The following YLPM1 variants were observed in gnomAD, a reference collection of about 807,000 sequenced individuals.
The protein encoded by YLPM1 is YLP motif-containing protein 1.
Under a neutral mutation model 230.0 loss-of-function variants are expected in YLPM1, and 99 were observed. That is an observed-to-expected ratio of 0.43 (90% CI 0.37 to 0.51). YLPM1 has a LOEUF of 0.51. Ranked by LOEUF, YLPM1 falls within the 20% of genes least tolerant of loss-of-function variation. YLPM1 has a pLI of 0.00. For synonymous variants in YLPM1, 984 were observed against 942.5 expected (o/e 1.04, Z -0.81); for missense variants, 2,592 against 2,707.7 (o/e 0.96, Z 0.95).
intron 6 of YLPM1, among the ~76,000 whole-genome samples, chr14:74,804,720 GT>G (rs1456286072): frequency 2.0e-5 from 3 of 152,066 alleles, no homozygotes; most frequent in African/African-American, 4.8e-5. Context: ...TTGAGTGTCT[GT>G]TTTCTTGTCT....
chr14:74,821,324 T>A (rs1446082539), intron 17 of YLPM1, 187 bp downstream of exon 17: 4 of 825,412 alleles, frequency 4.8e-6, no homozygotes, highest in Non-Finnish European at 5.1e-6. Flanking sequence ...AACCCTCTAA[T>A]GTGGTGTTAA....
intron 2 of YLPM1, among the ~76,000 whole-genome samples, chr14:74,779,111 G>C (rs2091069471): frequency 6.6e-6 from 1 of 152,144 alleles, no homozygotes; most frequent in South Asian, 2.1e-4. Flanking sequence ...CAAAGTGCTT[G>C]GATTACAGGC....
intron 4 of YLPM1, among the ~76,000 whole-genome samples, chr14:74,797,032 C>G (rs565595303): frequency 2.2e-4 from 29 of 130,124 alleles, no homozygotes; most frequent in Non-Finnish European, 3.8e-4. Flanking sequence ...AGTGCAATAG[C>G]GTGATCTCAG....
At chr14:74,786,303 A>C (rs901271628) in intron 4 of YLPM1, among the ~76,000 whole-genome samples, 1 of 147,244 alleles carries the variant, frequency 6.8e-6, no homozygotes, top group African/African-American at 2.5e-5. Flanking sequence ...CGGAGGTTGC[A>C]GTGAGCCAAG....
intron 1 of YLPM1, among the ~76,000 whole-genome samples, chr14:74,766,760 A>T (rs113868141): frequency 0.15 from 22,063 of 150,920 alleles, 1,755 homozygotes; most frequent in South Asian, 0.3. Flanking sequence ...TATGGGCATG[A>T]ACCACCACAC....
Position 74,781,888 on chromosome 14 carries a change from T to TC in YLPM1, c.1847dup (p.Pro617ThrfsTer51). Reference sequence around the variant, plus strand: ...CACCATCTCTCTCTTCAACAGCACCTCCACCTGTCATGCCCCTCCCACCAT... The same window carrying TC: ...CACCATCTCTCTCTTCAACAGCACCTCCCACCTGTCATGCCCCTCCCACCAT... On this transcript the variant is annotated frameshift_variant, in exon 4 of 21. Coordinates refer to ENST00000325680, the MANE Select transcript of YLPM1 (RefSeq NM_019589.3). LOFTEE classifies it high-confidence loss of function. The TC allele has an allele frequency of 6.2e-7, 1 of 1,612,340 alleles. No homozygotes were observed. The highest frequency in any genetic ancestry group is 8.5e-7 in the Non-Finnish European group (1 of 1,179,540).
In YLPM1 at chr14:74,778,353, A is replaced by G. The variant is rs1041481479; in HGVS notation, c.874-94A>G. 1.5e-5 allele frequency: 17 copies of G among 1,100,554 alleles called. No homozygotes were observed. The African/African-American group carries it at 2.2e-4, about 14-fold the overall frequency. The allele number at this position is 1,100,554 out of a possible 1,614,324, so 68.2% of individuals were successfully genotyped here. On this transcript the variant is annotated intron_variant, in intron 1 of 20. Coordinates refer to ENST00000325680, the MANE Select transcript of YLPM1 (RefSeq NM_019589.3). ...TTTGCCTTTTTTTACATATAGACAC[A>G]TGAACACAGACATAAAGATAGGTCC...
Position 74,809,624 on chromosome 14 carries a change from A to G in YLPM1, c.4766A>G (p.Gln1589Arg), listed in dbSNP as rs2091414563. 6.2e-7 allele frequency: 1 copy of G among 1,614,038 alleles called. No homozygotes were observed. The highest frequency in any genetic ancestry group is 8.5e-7 in the Non-Finnish European group (1 of 1,179,898). Residue 1589 changes from glutamine to arginine, a missense_variant, in exon 7 of 21, where the codon CAA (glutamine) becomes CGA (arginine). Coordinates refer to ENST00000325680, the MANE Select transcript of YLPM1 (RefSeq NM_019589.3). Reference protein sequence around the residue: ...FYGLWDTNDEQGLNSEFKSET... With the variant: ...FYGLWDTNDERGLNSEFKSET... ...GGGCTCTGGGATACAAATGATGAAC[A>G]AGGACTGAATTCAGAATTTAAGTCA...
rs1234459217 is a variant in YLPM1, at chr14:74,798,105, C to T, written c.2808C>T (p.Asp936=). ...TTCAAAGTATGGAGACTCAAATCGA[C>T]AAAGCCCAAGCTGTTACTCAGCCTG... The part of the protein sequence containing the change: ...QNVQSMETQI[D]KAQAVTQPVP... The change falls in exon 5 of 21, where the codon GAC becomes GAT. Residue 936 remains aspartate, a synonymous_variant. Transcript: ENST00000325680. 1 of 1,613,976 alleles carries T rather than the reference C, an allele frequency of 6.2e-7. No individual in the cohort carries two copies. The highest frequency in any genetic ancestry group is 1.1e-5 in the South Asian group (1 of 91,078).
Position 74,763,334 on chromosome 14 carries a change from A to C in YLPM1, c.-156A>C. ...TCCCCGCCTTCCCGGTCGCGGGCCC[A>C]GCTCGGGAGCGCCGGCGCACTGGCG... On this transcript the variant is annotated 5_prime_UTR_variant, in exon 1 of 21. Coordinates refer to ENST00000325680, the MANE Select transcript of YLPM1 (RefSeq NM_019589.3). 1 of 882,196 alleles carries C rather than the reference A, an allele frequency of 1.1e-6. No individual in the cohort carries two copies. Among genetic ancestry groups the C allele is most frequent in the Non-Finnish European group, 1.5e-6 (1 of 649,144 alleles). The allele number at this position is 882,196 out of a possible 1,614,324, so 54.6% of individuals were successfully genotyped here. A position where few individuals can be genotyped will look rare whatever the true frequency, so the allele number is the denominator to read the frequency against.
chr14:74,831,058 C>A (rs2091605576), intron 19 of YLPM1, among the ~76,000 whole-genome samples: 1 of 152,126 alleles, frequency 6.6e-6, no homozygotes, highest in Non-Finnish European at 1.5e-5. Flanking sequence ...GCCTGTTTTT[C>A]TACAGCAGTG....
Position 74,799,601 on chromosome 14 carries a change from G to T in YLPM1, c.4304G>T (p.Ser1435Ile), listed in dbSNP as rs1274045841. Reference sequence around the variant, plus strand: ...TCAGAAATGATGGGGTCCGATGCAAGCTTAGACTCTGACCAAGGCCTTGGA... The same window carrying T: ...TCAGAAATGATGGGGTCCGATGCAATCTTAGACTCTGACCAAGGCCTTGGA... ...HSSEMMGSDASLDSDQGLGGV... is the reference protein window; with the variant it reads ...HSSEMMGSDAILDSDQGLGGV... The change falls in exon 5 of 21, where the codon AGC becomes ATC. Residue 1435 changes from serine (S) to isoleucine (I), a missense_variant. This residue lies in a region of YLPM1 where 1,862 missense variants were observed against 1,819.8 expected (regional missense o/e 1.02). Coordinates refer to ENST00000325680, the MANE Select transcript of YLPM1 (RefSeq NM_019589.3). 6.2e-7 allele frequency: 1 copy of T among 1,613,984 alleles called. No homozygotes were observed. Among genetic ancestry groups the T allele is most frequent in the African/African-American group, 1.3e-5 (1 of 75,038 alleles).
Position 74,798,957 on chromosome 14 carries a change from C to T in YLPM1, c.3660C>T (p.Asp1220=), listed in dbSNP as rs776683792. 5 of 1,613,656 alleles carry T rather than the reference C, an allele frequency of 3.1e-6. No individual in the cohort carries two copies. The East Asian group carries it at 1.1e-4, about 36-fold the overall frequency. The change falls in exon 5 of 21, where the codon GAC becomes GAT. Residue 1220 remains aspartate (D), a synonymous_variant. Coordinates refer to ENST00000325680, the MANE Select transcript of YLPM1 (RefSeq NM_019589.3). ...CAATGGAACGAGAAAGACTCGATGA[C>T]TGGGATAGAGAGAGATACTGGAGAG... The part of the protein sequence containing the change: ...NAPMERERLD[D]WDRERYWREC...
Position 74,773,711 on chromosome 14 carries a change from CTTTTTTTTT to C in YLPM1, c.874-4717_874-4709del, listed in dbSNP as rs766885242. Among the ~76,000 whole-genome samples, 32 of 60,564 alleles carry C rather than the reference CTTTTTTTTT, an allele frequency of 5.3e-4. No homozygotes were observed. In the East Asian group the frequency reaches 5.3e-3, roughly 10 times the overall value. 39.7% of individuals were successfully genotyped at this position (60,564 alleles called of 152,430 possible). On this transcript the variant is annotated intron_variant, in intron 1 of 20. Coordinates refer to ENST00000325680, the MANE Select transcript of YLPM1 (RefSeq NM_019589.3). ...TCATGGTCAGTGTGCTGTTTTCTTT[CTTTTTTTTT>C]TTTTTTTTTTTTTTTTTTGAGACAG...
chr14:74,766,883 CTT>C (rs1158275487), intron 1 of YLPM1, among the ~76,000 whole-genome samples: 15 of 131,162 alleles, frequency 1.1e-4, no homozygotes, highest in Admixed American at 2.3e-4. Context: ...AAGACCTTTT[CTT>C]TTTTTTTTTT....
chr14:74,778,781 T>G, intron 2 of YLPM1, 98 bp downstream of exon 2: 1 of 1,056,898 alleles, frequency 9.5e-7, no homozygotes, highest in Non-Finnish European at 1.3e-6. Context: ...TATTTTTGTT[T>G]TTTTAGGTAC....
rs879128063 is a variant in YLPM1 at position 74,778,571 on chromosome 14, A to T, written c.998A>T (p.Glu333Val). Reference protein sequence around the residue: ...AKDTPEPVKEEVTVPATSQVP... With the variant: ...AKDTPEPVKEVVTVPATSQVP... ...GATACACCAGAGCCGGTAAAAGAAGAAGTTACAGTACCTGCCACCAGTCAA... is the reference window on the plus strand; with the variant it reads ...GATACACCAGAGCCGGTAAAAGAAGTAGTTACAGTACCTGCCACCAGTCAA... Residue 333 changes from glutamate to valine, a missense_variant, in exon 2 of 21, where the codon GAA becomes GTA. Transcript: ENST00000325680. The T allele has an allele frequency of 2.5e-6, 4 of 1,604,980 alleles. No homozygotes were observed. Among genetic ancestry groups the T allele is most frequent in the South Asian group, 1.1e-5 (1 of 88,930 alleles).
Position 74,798,340 on chromosome 14 carries a change from G to A in YLPM1, c.3043G>A (p.Gly1015Ser), listed in dbSNP as rs760624116. 5 of 1,613,958 alleles carry A rather than the reference G, an allele frequency of 3.1e-6. No individual in the cohort carries two copies. The highest frequency in any genetic ancestry group is 4.2e-6 in the Non-Finnish European group (5 of 1,179,894). ...AGATAATAGATTAGAAGGCAATAGAGGCAACAGCTCATCTTACAGAGGTCC... is the reference window on the plus strand; with the variant it reads ...AGATAATAGATTAGAAGGCAATAGAAGCAACAGCTCATCTTACAGAGGTCC... ...NRDNRLEGNR[G>S]NSSSYRGPGQ... Residue 1015 changes from glycine to serine, a missense_variant, in exon 5 of 21, where the codon GGC (glycine) becomes AGC (serine). Gly to Ser is a moderately conservative substitution (Grantham distance 56). Around this residue, in one of 4 missense-constraint regions of YLPM1, gnomAD observed 1,862 missense variants for 1,819.8 expected, o/e 1.02. Coordinates refer to ENST00000325680, the MANE Select transcript of YLPM1 (RefSeq NM_019589.3).
chr14:74,799,037 G>A lies in YLPM1; in HGVS notation c.3740G>A (p.Arg1247Lys), dbSNP rs2140111021. Residue 1247 changes from arginine (R) to lysine (K), a missense_variant, in exon 5 of 21, where the codon AGG (arginine) becomes AAG (lysine). Coordinates refer to ENST00000325680, the MANE Select transcript of YLPM1 (RefSeq NM_019589.3). ...DTLELYNREDRFSAPPSRSHD... is the reference protein window; with the variant it reads ...DTLELYNREDKFSAPPSRSHD... ...CTAGAGCTCTATAACAGAGAGGACAGGTTCTCAGCACCACCATCTCGGTCT... is the reference window on the plus strand; with the variant it reads ...CTAGAGCTCTATAACAGAGAGGACAAGTTCTCAGCACCACCATCTCGGTCT... The A allele has an allele frequency of 6.2e-7, 1 of 1,614,024 alleles. No homozygotes were observed. The highest frequency in any genetic ancestry group is 2.2e-5 in the East Asian group (1 of 44,884).
Sources: allele counts gnomAD v4.1 joint callset (sites outside exome capture counted in the v4.1 genomes callset), GRCh38; gene constraint gnomAD v4.1.1; regional missense constraint gnomAD v4.1.1; transcripts MANE v1.5; gene names NCBI Gene and HGNC (gene_info 2026-07-23, HGNC 2026-07-21).